Variants in PARN observed in about 807,000 individuals in gnomAD.
PARN encodes poly(A)-specific ribonuclease, also known as poly(A)-specific ribonuclease PARN.
PARN carries 71 observed loss-of-function variants against 102.8 expected under a neutral mutation model. The observed-to-expected ratio is 0.69, with a 90% CI of 0.57 to 0.84. The LOEUF is 0.84. Ranked by LOEUF, PARN falls within the 40% of genes least tolerant of loss-of-function variation. The pLI, the probability that PARN is intolerant of heterozygous loss-of-function variation, is 0.00. For synonymous variants in PARN, 261 were observed against 252.9 expected (o/e 1.03, Z -0.30); for missense variants, 782 against 760.9 (o/e 1.03, Z -0.33).
chr16:14,537,588 A>T (rs1966663916), intron 21 of PARN, among the ~76,000 whole-genome samples: 1 of 152,222 alleles, frequency 6.6e-6, no homozygotes, highest in South Asian at 2.1e-4. Flanking sequence ...TCACAATGTA[A>T]TACCATTTAG....
intron 10 of PARN, among the ~76,000 whole-genome samples, chr16:14,604,616 G>A (rs554772966): frequency 4.9e-4 from 74 of 151,776 alleles, no homozygotes; most frequent in Admixed American, 1.8e-3. Context: ...GATTTCTGCT[G>A]CCATTAGAAT....
intron 22 of PARN, among the ~76,000 whole-genome samples, chr16:14,458,177 C>T (rs1427438182): frequency 6.6e-6 from 1 of 152,066 alleles, no homozygotes; most frequent in African/African-American, 2.4e-5. Flanking sequence ...ATGAAAGATA[C>T]TACATTAATA....
At chr16:14,541,534 G>A (rs773966005) in intron 21 of PARN, among the ~76,000 whole-genome samples, 6 of 152,114 alleles carry the variant, frequency 3.9e-5, no homozygotes, top group Non-Finnish European at 7.4e-5. Context: ...GGAGTGCAGT[G>A]GTGTGATCTC....
intron 21 of PARN, among the ~76,000 whole-genome samples, chr16:14,514,420 T>G (rs1965356192): frequency 6.6e-6 from 1 of 152,030 alleles, no homozygotes; most frequent in Admixed American, 6.5e-5. Context: ...TCTCCTGACC[T>G]CATGATCCAC....
At position 14,436,019 on chromosome 16, in the gene PARN, C is replaced by T. The variant is rs947771857; in HGVS notation, c.*698G>A. The T allele has an allele frequency of 1.3e-5, 2 of 152,022 alleles. No individual in the cohort carries two copies. Among genetic ancestry groups the T allele is most frequent in the Non-Finnish European group, 2.9e-5 (2 of 68,096 alleles). The allele number at this position is 152,022 out of a possible 1,614,324, so 9.4% of individuals were successfully genotyped here. A position where few individuals can be genotyped will look rare whatever the true frequency, so the allele number is the denominator to read the frequency against. ...ACGAACAGAGACTCTGGAAAGTGAA[C>T]ACAGCGCCACGCATAAGAACAGAAG... On this transcript the variant is annotated 3_prime_UTR_variant, in exon 24 of 24. Transcript: ENST00000437198.
chr16:14,575,191 C>A (rs150827591), intron 18 of PARN, among the ~76,000 whole-genome samples: 1 of 152,214 alleles, frequency 6.6e-6, no homozygotes, highest in Non-Finnish European at 1.5e-5. Flanking sequence ...AACCCCCACA[C>A]AGAGTCCCTA....
intron 3 of PARN, 80 bp downstream of exon 3, chr16:14,628,092 A>G: frequency 1.2e-6 from 1 of 869,000 alleles, no homozygotes; most frequent in Non-Finnish European, 1.9e-6. Flanking sequence ...TTAATGCACA[A>G]GTTTAGTAAC....
At chr16:14,485,319 C>T (rs1313906988) in intron 21 of PARN, among the ~76,000 whole-genome samples, 2 of 152,230 alleles carry the variant, frequency 1.3e-5, no homozygotes, top group African/African-American at 2.4e-5. Context: ...ATTTTTCACT[C>T]ATTTACCCAG....
At position 14,563,130 on chromosome 16, in the gene PARN, T is replaced by C. The variant is rs556356846; in HGVS notation, c.1263-7421A>G. ...CCTCTGAGAACTGAAAAGATCATTA[T>C]AGTTCTTTCAAATTCTACATTACCA... On this transcript the variant is annotated intron_variant, in intron 18 of 23. Transcript: ENST00000437198. Among the ~76,000 whole-genome samples, 7 of 152,344 alleles carry C rather than the reference T, an allele frequency of 4.6e-5. No individual in the cohort carries two copies. In the South Asian group the frequency reaches 8.3e-4, roughly 18 times the overall value.
chr16:14,563,476 TTGTGTGTGTGTGTGTGTGTGTGTGTGTG>T (rs56099416), intron 18 of PARN, among the ~76,000 whole-genome samples: 15 of 143,648 alleles, frequency 1.0e-4, no homozygotes, highest in Middle Eastern at 3.2e-3. Flanking sequence ...GAAAATTCCT[TTGTGTGTGTGTGTGTGTGTGTGTGTGTG>T]TGTGTGTGTG....
chr16:14,478,105 CA>C (rs982431485), intron 22 of PARN, among the ~76,000 whole-genome samples: 9 of 152,018 alleles, frequency 5.9e-5, no homozygotes, highest in Non-Finnish European at 1.3e-4. Context: ...CTCTTGAGGT[CA>C]AAGGTTCAAG....
chr16:14,479,309 C>A (rs1233984954), intron 22 of PARN, among the ~76,000 whole-genome samples: 1 of 151,720 alleles, frequency 6.6e-6, no homozygotes, highest in Non-Finnish European at 1.5e-5. Flanking sequence ...GTAGTCCCAG[C>A]TATTTGGGTG....
At chr16:14,485,179 G>C (rs1270651959) in intron 21 of PARN, among the ~76,000 whole-genome samples, 1 of 152,170 alleles carries the variant, frequency 6.6e-6, no homozygotes. Context: ...GGTGAAAGCA[G>C]GCAGTTCTGG....
intron 21 of PARN, among the ~76,000 whole-genome samples, chr16:14,541,389 G>A (rs928043007): frequency 2.0e-5 from 3 of 152,082 alleles, no homozygotes; most frequent in African/African-American, 7.2e-5. Flanking sequence ...TCTAAGCTAA[G>A]TTCTGAGCCA....
intron 14 of PARN, among the ~76,000 whole-genome samples, chr16:14,585,497 G>C (rs911045647): frequency 6.6e-6 from 1 of 150,752 alleles, no homozygotes; most frequent in Admixed American, 6.7e-5. Context: ...ACAAACACTT[G>C]TTCGGTAGGC....
At chr16:14,540,601 T>C (rs931418189) in intron 21 of PARN, among the ~76,000 whole-genome samples, 1 of 152,172 alleles carries the variant, frequency 6.6e-6, no homozygotes, top group Non-Finnish European at 1.5e-5. Context: ...AGTTTAAGCA[T>C]GGTATGTGAT....
intron 18 of PARN, among the ~76,000 whole-genome samples, chr16:14,573,336 T>C (rs138965029): frequency 1.2e-4 from 18 of 152,310 alleles, no homozygotes; most frequent in African/African-American, 4.1e-4. Context: ...TAAAACCTAC[T>C]CTTCTGGTAA....
intron 5 of PARN, among the ~76,000 whole-genome samples, chr16:14,618,054 G>C (rs1194102844): frequency 1.3e-5 from 2 of 152,126 alleles, no homozygotes; most frequent in Admixed American, 1.3e-4. Context: ...CGGCACAGTG[G>C]CTCATGCCTG....
At chr16:14,472,055 T>A (rs1962779784) in intron 22 of PARN, among the ~76,000 whole-genome samples, 1 of 152,208 alleles carries the variant, frequency 6.6e-6, no homozygotes, top group Non-Finnish European at 1.5e-5. Flanking sequence ...TGTCCTGACC[T>A]ACTGGTCCAA....
Sources: allele counts gnomAD v4.1 joint callset (sites outside exome capture counted in the v4.1 genomes callset), GRCh38; gene constraint gnomAD v4.1.1; transcripts MANE v1.5; gene names NCBI Gene and HGNC (gene_info 2026-07-23, HGNC 2026-07-21).